ZSCAN4: variants seen among roughly 807,000 people sequenced by gnomAD.
ZSCAN4 encodes zinc finger and SCAN domain-containing protein 4.
A neutral mutation model predicts 18.3 loss-of-function variants in ZSCAN4; 18 were observed. That is an observed-to-expected ratio of 0.98 (90% confidence interval 0.68 to 1.46). The LOEUF is 1.46. ZSCAN4 is among the 40% of genes most tolerant of loss of function. The probability of loss-of-function intolerance (pLI) is 0.00; values close to 1 mark genes in which losing one functional copy is unlikely to be tolerated. For synonymous variants in ZSCAN4, 193 were observed against 180.3 expected, an observed-to-expected ratio of 1.07 and a Z score of -0.57; for missense variants, 498 against 511.4, an observed-to-expected ratio of 0.97 and a Z score of 0.25.
the ZSCAN4 span, among the ~76,000 whole-genome samples, chr19:57,654,189 T>C: frequency 1.3e-5 from 2 of 152,122 alleles, no homozygotes; most frequent in African/African-American, 4.8e-5. Context: ...TAGTCAACAC[T>C]TGCTTCACCC....
chr19:57,674,285 A>G (rs1188977755), intron 2 of ZSCAN4, among the ~76,000 whole-genome samples: 1 of 152,170 alleles, frequency 6.6e-6, no homozygotes, highest in Admixed American at 6.5e-5. Flanking sequence ...AATAGTGAAC[A>G]TTGTACCCAA....
rs551707339 is a variant in ZSCAN4 at position 57,677,149 on chromosome 19, C to T, written c.396+608C>T. Reference sequence around the variant, plus strand: ...GAGCTTGTTCTTCTGTCAGGGAACTCTAATCAAGAAAGACATTCTAAAGAA... The same window carrying T: ...GAGCTTGTTCTTCTGTCAGGGAACTTTAATCAAGAAAGACATTCTAAAGAA... On this transcript the variant is annotated intron_variant, in intron 3 of 4. Transcript: ENST00000318203. Among the ~76,000 whole-genome samples, 9 of 152,278 alleles carry T rather than the reference C, an allele frequency of 5.9e-5. No individual in the cohort carries two copies. In the East Asian group the frequency reaches 1.7e-3, roughly 29 times the overall value.
upstream of ZSCAN4, chr19:57,665,044 C>A: frequency 6.2e-6 from 1 of 161,728 alleles, no homozygotes; most frequent in East Asian, 1.6e-4. Context: ...TTTTAGCCAG[C>A]GGCATTCTGG....
chr19:57,670,432 G>A (rs528093294), exon 2 of ZSCAN4: 7 of 152,258 alleles, frequency 4.6e-5, no homozygotes, highest in East Asian at 1.9e-4. Flanking sequence ...ATCCAATCAC[G>A]TCTTTAAATC....
At chr19:57,652,107 C>CCA in the ZSCAN4 span, among the ~76,000 whole-genome samples, 1 of 152,088 alleles carries the variant, frequency 6.6e-6, no homozygotes, top group Non-Finnish European at 1.5e-5. Flanking sequence ...ACTCACCACC[C>CCA]CACACACCTA....
the ZSCAN4 span, among the ~76,000 whole-genome samples, chr19:57,660,018 C>G: frequency 6.6e-6 from 1 of 152,284 alleles, no homozygotes; most frequent in African/African-American, 2.4e-5. Flanking sequence ...GTGATAACCA[C>G]TTCCCAGCAA....
chr19:57,663,956 G>A (rs1295793120), upstream of ZSCAN4, among the ~76,000 whole-genome samples: 1 of 151,926 alleles, frequency 6.6e-6, no homozygotes, highest in East Asian at 1.9e-4. Context: ...GTGAAACCCC[G>A]TCTCTACTAA....
chr19:57,665,568 T>C (rs1159263764), upstream of ZSCAN4, among the ~76,000 whole-genome samples: 1 of 152,210 alleles, frequency 6.6e-6, no homozygotes, highest in Non-Finnish European at 1.5e-5. Flanking sequence ...TGTCAGCTCC[T>C]GGGTGAATCA....
At chr19:57,669,054 T>A (rs2122288332) in exon 1 of ZSCAN4, 1 of 98,078 alleles carries the variant, frequency 1.0e-5, no homozygotes, top group East Asian at 2.7e-4. Context: ...GTCTTTATAT[T>A]TTCCTTTTTT....
At chr19:57,669,710 T>G (rs893027332) in intron 1 of ZSCAN4, among the ~76,000 whole-genome samples, 2 of 136,950 alleles carry the variant, frequency 1.5e-5, no homozygotes, top group Admixed American at 7.3e-5. Flanking sequence ...CAGGCATGGT[T>G]TTTTTTTTGT....
the ZSCAN4 span, among the ~76,000 whole-genome samples, chr19:57,657,799 A>G: frequency 6.6e-6 from 1 of 152,176 alleles, no homozygotes; most frequent in African/African-American, 2.4e-5. Context: ...AATTTAAATT[A>G]TAATTTAAAT....
rs776985079 is a variant in ZSCAN4, at chr19:57,678,885, T to A, written c.1282T>A (p.Ser428Thr). The change falls in exon 5 of 5, where the codon TCC becomes ACC. Residue 428 changes from serine to threonine, a missense_variant. Ser to Thr is a moderately conservative substitution (Grantham distance 58, BLOSUM62 1). Coordinates refer to ENST00000318203, the Ensembl canonical transcript of ZSCAN4. The stretch of plus-strand genomic sequence containing the variant: ...GAAAATTACCCTGCCAAGTGTTCCC[T>A]CCACACCAGAAGCTTCCTAAGCTGC... 6.2e-7 allele frequency: 1 copy of A among 1,601,556 alleles called. No individual in the cohort carries two copies. Among genetic ancestry groups the A allele is most frequent in the African/African-American group, 1.3e-5 (1 of 74,384 alleles).
chr19:57,664,141 G>A (rs1365352540), upstream of ZSCAN4: 7 of 150,032 alleles, frequency 4.7e-5, no homozygotes, highest in East Asian at 1.4e-3. Context: ...AAAAGAAAAA[G>A]AAGAGAAAAG....
At chr19:57,659,315 G>A in the ZSCAN4 span, among the ~76,000 whole-genome samples, 2 of 152,076 alleles carry the variant, frequency 1.3e-5, no homozygotes, top group African/African-American at 4.8e-5. Flanking sequence ...TTCCATGTAG[G>A]CAATTTTCTT....
At chr19:57,661,618 CTTTTTA>C in the ZSCAN4 span, among the ~76,000 whole-genome samples, 1 of 152,156 alleles carries the variant, frequency 6.6e-6, no homozygotes, top group Admixed American at 6.5e-5. Flanking sequence ...AAAAGGAAAA[CTTTTTA>C]TTTTTATAAA....
chr19:57,661,841 G>A, the ZSCAN4 span, among the ~76,000 whole-genome samples: 2 of 152,140 alleles, frequency 1.3e-5, no homozygotes, highest in African/African-American at 4.8e-5. Context: ...CAGCACTTTG[G>A]GAGGCTGAGG....
exon 5 of ZSCAN4, chr19:57,678,990 T>G (rs1984282325): frequency 7.3e-7 from 1 of 1,375,814 alleles, no homozygotes; most frequent in Admixed American, 2.6e-5. Context: ...TAAGATATAA[T>G]CTCCTGATTA....
the ZSCAN4 span, among the ~76,000 whole-genome samples, chr19:57,658,045 G>C: frequency 6.6e-6 from 1 of 152,152 alleles, no homozygotes; most frequent in Non-Finnish European, 1.5e-5. Flanking sequence ...AAAGCCAACT[G>C]ATTTTGCGTG....
chr19:57,658,945 A>C, the ZSCAN4 span, among the ~76,000 whole-genome samples: 2 of 152,114 alleles, frequency 1.3e-5, no homozygotes, highest in Non-Finnish European at 2.9e-5. Flanking sequence ...ACAATAACTC[A>C]TGGTCCATTA....
Sources: allele counts gnomAD v4.1 joint callset (sites outside exome capture counted in the v4.1 genomes callset), GRCh38; gene constraint gnomAD v4.1.1; transcripts MANE v1.5; gene names NCBI Gene and HGNC (gene_info 2026-07-23, HGNC 2026-07-21).